The following EYS variants were observed in gnomAD, a reference collection of about 807,000 sequenced individuals.
EYS encodes the protein EGF-like photoreceptor maintenance factor.
Under a neutral mutation model 282.1 loss-of-function variants are expected in EYS, and 250 were observed. The ratio of observed to expected loss-of-function variants is 0.89; its 90% CI spans 0.80 to 0.98. The LOEUF (loss-of-function observed/expected upper bound fraction) is 0.98, where lower values mean the gene tolerates loss of function less well. Among genes scored for constraint, EYS ranks in the 50% least tolerant of loss-of-function variants. EYS has a pLI of 0.00. For synonymous variants in EYS, 1,355 were observed against 1,282.9 expected (o/e 1.06, Z -1.20); for missense variants, 4,016 against 3,709.0 (o/e 1.08, Z -2.15).
chr6:65,316,218 T>C (rs1769291565), intron 11 of EYS, among the ~76,000 whole-genome samples: 1 of 152,186 alleles, frequency 6.6e-6, no homozygotes, highest in Non-Finnish European at 1.5e-5. Flanking sequence ...AAATGGTGTT[T>C]CTGTTGAAAA....
intron 35 of EYS, among the ~76,000 whole-genome samples, chr6:63,956,564 G>A (rs1374715345): frequency 6.6e-6 from 1 of 151,796 alleles, no homozygotes; most frequent in Admixed American, 6.6e-5. Flanking sequence ...ACGTTTGGTG[G>A]GTATTTAAAG....
intron 36 of EYS, among the ~76,000 whole-genome samples, chr6:63,852,393 A>G (rs1231850723): frequency 1.3e-5 from 2 of 152,102 alleles, no homozygotes; most frequent in African/African-American, 2.4e-5. Context: ...AAATTGATAA[A>G]TTCCTGGACA....
intron 22 of EYS, among the ~76,000 whole-genome samples, chr6:64,698,316 A>G (rs1770656408): frequency 6.6e-6 from 1 of 152,168 alleles, no homozygotes. Context: ...CTAGAAGAAG[A>G]GAATAACCAA....
rs1241189188 is a variant in EYS at position 64,156,041 on chromosome 6, TTTGTG to T, written c.6425-74044_6425-74040del. Among the ~76,000 whole-genome samples, 435 of 150,448 alleles carry T rather than the reference TTTGTG, an allele frequency of 2.9e-3. 3 individuals are homozygous for T. Among genetic ancestry groups the T allele is most frequent in the African/African-American group, 0.01 (415 of 40,916 alleles). On this transcript the variant is annotated intron_variant, in intron 31 of 42. Coordinates refer to ENST00000503581, the MANE Select transcript of EYS (RefSeq NM_001142800.2). ...ATGTTTATGTGTGTGTGTGTGTGTG[TTTGTG>T]TGTGTGTATGTGTGTATTATATATA...
chr6:64,749,069 G>A (rs1772658854), intron 22 of EYS, among the ~76,000 whole-genome samples: 1 of 152,174 alleles, frequency 6.6e-6, no homozygotes, highest in Non-Finnish European at 1.5e-5. Flanking sequence ...CACCATGCCT[G>A]GCCTAATGCC....
At chr6:64,374,538 T>C (rs918499571) in intron 29 of EYS, among the ~76,000 whole-genome samples, 23 of 152,246 alleles carry the variant, frequency 1.5e-4, no homozygotes, top group Admixed American at 9.2e-4. Context: ...GGAGATGTTT[T>C]CCTAGCTCCA....
At chr6:64,953,338 AAAG>A (rs1490713426) in intron 14 of EYS, among the ~76,000 whole-genome samples, 2 of 151,786 alleles carry the variant, frequency 1.3e-5, no homozygotes, top group Admixed American at 6.6e-5. Context: ...GTAACTCTTG[AAAG>A]AAGGACAAAT....
intron 36 of EYS, among the ~76,000 whole-genome samples, chr6:63,840,724 A>G (rs1394260702): frequency 6.6e-6 from 1 of 152,130 alleles, no homozygotes; most frequent in African/African-American, 2.4e-5. Flanking sequence ...ATATGCTAAG[A>G]GAGAGGGGTC....
chr6:65,575,835 A>C (rs186336859), intron 2 of EYS, among the ~76,000 whole-genome samples: 6 of 152,216 alleles, frequency 3.9e-5, no homozygotes, highest in Non-Finnish European at 8.8e-5. Flanking sequence ...AAATTGGATA[A>C]CCTAGATAAA....
intron 22 of EYS, among the ~76,000 whole-genome samples, chr6:64,684,698 G>T (rs1295613326): frequency 1.3e-5 from 2 of 151,836 alleles, no homozygotes; most frequent in Non-Finnish European, 2.9e-5. Context: ...ACAAGTTTTT[G>T]ACATTTTATA....
intron 41 of EYS, among the ~76,000 whole-genome samples, chr6:63,731,692 A>G (rs1400357342): frequency 6.6e-6 from 1 of 152,096 alleles, no homozygotes; most frequent in East Asian, 1.9e-4. Context: ...TATGTGGCTC[A>G]TAGTATTGTG....
intron 36 of EYS, among the ~76,000 whole-genome samples, chr6:63,863,675 C>CTTTTCTTTT (rs1772597256): frequency 5.0e-5 from 3 of 60,036 alleles, no homozygotes; most frequent in East Asian, 6.2e-4. Flanking sequence ...TTTCTTTTTT[C>CTTTTCTTTT]TTTTTTTTTT....
intron 12 of EYS, among the ~76,000 whole-genome samples, chr6:65,209,496 C>A (rs975676868): frequency 6.6e-6 from 1 of 151,768 alleles, no homozygotes; most frequent in Non-Finnish European, 1.5e-5. Context: ...ATTTTCATAT[C>A]CTTGAGCCCT....
chr6:64,911,622 C>T (rs1425587006), intron 16 of EYS, among the ~76,000 whole-genome samples: 2 of 152,032 alleles, frequency 1.3e-5, no homozygotes, highest in African/African-American at 4.8e-5. Flanking sequence ...AACATGAAAC[C>T]ACAGTGAGTA....
chr6:64,797,229 G>A (rs1774379949), intron 22 of EYS, among the ~76,000 whole-genome samples: 1 of 151,980 alleles, frequency 6.6e-6, no homozygotes, highest in Non-Finnish European at 1.5e-5. Context: ...AGAAAAATAA[G>A]TATGATAGCA....
chr6:64,963,129 G>T (rs530758194), intron 14 of EYS, among the ~76,000 whole-genome samples: 1 of 152,248 alleles, frequency 6.6e-6, no homozygotes, highest in East Asian at 1.9e-4. Flanking sequence ...CTCTCTCTAG[G>T]TGTAGTAAGC....
intron 2 of EYS, among the ~76,000 whole-genome samples, chr6:65,602,315 G>A (rs988074819): frequency 3.3e-5 from 5 of 151,884 alleles, no homozygotes; most frequent in African/African-American, 4.8e-5. Context: ...AGAAACACAT[G>A]TAATACATGT....
chr6:65,317,961 G>C (rs898047783), intron 11 of EYS, among the ~76,000 whole-genome samples: 1 of 150,276 alleles, frequency 6.7e-6, no homozygotes, highest in Non-Finnish European at 1.5e-5. Flanking sequence ...TCCTCCTCCG[G>C]GGTTCAAGCA....
intron 22 of EYS, among the ~76,000 whole-genome samples, chr6:64,716,507 T>C (rs887422761): frequency 6.6e-6 from 1 of 152,220 alleles, no homozygotes; most frequent in Non-Finnish European, 1.5e-5. Context: ...AATTGTGCCT[T>C]AATATCCTCT....
Sources: allele counts gnomAD v4.1 joint callset (sites outside exome capture counted in the v4.1 genomes callset), GRCh38; gene constraint gnomAD v4.1.1; transcripts MANE v1.5; gene names NCBI Gene and HGNC (gene_info 2026-07-23, HGNC 2026-07-21).